ITPKB: variants seen among roughly 807,000 people sequenced by gnomAD.
ITPKB encodes IP3 3-kinase B.
ITPKB carries 13 observed loss-of-function variants against 69.4 expected under a neutral mutation model. The ratio of observed to expected loss-of-function variants is 0.19; its 90% confidence interval spans 0.12 to 0.30. ITPKB has a LOEUF of 0.30. ITPKB is among the 10% of genes least tolerant of loss of function. The pLI is 1.00. For synonymous variants in ITPKB, 584 were observed against 513.7 expected (o/e 1.14, Z -1.85); for missense variants, 1,240 against 1,250.5 (o/e 0.99, Z 0.13).
chr1:226,738,608 G>A lies in ITPKB; in HGVS notation c.-206+433C>T, dbSNP rs985396958. 4.6e-5 allele frequency among the ~76,000 whole-genome samples: 7 copies of A among 152,150 alleles called. No homozygotes were observed. Among genetic ancestry groups the A allele is most frequent in the African/African-American group, 1.4e-4 (6 of 41,442 alleles). ...CTCGGAGGAACTTAGGGGCGTGCAT[G>A]GCTGCAGCCGGGCAGCAGCCCTAGG... On this transcript the variant is annotated intron_variant, in intron 1 of 7. Coordinates refer to ENST00000429204, the MANE Select transcript of ITPKB (RefSeq NM_002221.4). The surrounding 1 kb of genome is among the most constrained non-coding windows in gnomAD (Gnocchi z 4.2).
At chr1:226,711,643 A>G (rs1185156075) in intron 2 of ITPKB, among the ~76,000 whole-genome samples, 1 of 152,162 alleles carries the variant, frequency 6.6e-6, no homozygotes, top group African/African-American at 2.4e-5. Flanking sequence ...GCTTAAATGG[A>G]AACCTCCCAA....
chr1:226,634,979 C>G lies in ITPKB; in HGVS notation c.2626-93G>C, dbSNP rs866015182. On this transcript the variant is annotated intron_variant, in intron 7 of 7. Transcript: ENST00000429204. The surrounding 1 kb of genome is among the most constrained non-coding windows in gnomAD (Gnocchi z 6.3). ...GCCTGGGTGACCAGGTGGGGAGGCT[C>G]GCTCAGGCCGGACAGTTGGGTGCCT... The G allele has an allele frequency of 3.0e-5, 28 of 929,816 alleles. No individual in the cohort carries two copies. In the African/African-American group the frequency reaches 3.8e-4, roughly 13 times the overall value. 57.6% of individuals were successfully genotyped at this position (929,816 alleles called of 1,614,324 possible).
chr1:226,724,263 G>T (rs1294289077), intron 2 of ITPKB, among the ~76,000 whole-genome samples: 1 of 152,092 alleles, frequency 6.6e-6, no homozygotes, highest in African/African-American at 2.4e-5. Flanking sequence ...TCTTGCTTCT[G>T]TGCTCAGCAG....
intron 4 of ITPKB, among the ~76,000 whole-genome samples, chr1:226,645,840 A>T (rs1220607998): frequency 6.6e-6 from 1 of 152,148 alleles, no homozygotes; most frequent in Non-Finnish European, 1.5e-5. Context: ...GTGGCCAGGG[A>T]TGGCTCAAGA....
At chr1:226,716,235 A>C (rs1252707784) in intron 2 of ITPKB, among the ~76,000 whole-genome samples, 2 of 152,230 alleles carry the variant, frequency 1.3e-5, no homozygotes, top group African/African-American at 2.4e-5. Flanking sequence ...GCATGCAGTA[A>C]AAATGCGTAA....
At chr1:226,686,643 A>G (rs1013222052) in intron 2 of ITPKB, among the ~76,000 whole-genome samples, 5 of 152,230 alleles carry the variant, frequency 3.3e-5, no homozygotes, top group Admixed American at 6.5e-5. Context: ...ATTAAAGACC[A>G]GAGGACTCTG....
intron 4 of ITPKB, among the ~76,000 whole-genome samples, chr1:226,643,149 G>A (rs922348461): frequency 4.6e-5 from 7 of 152,130 alleles, no homozygotes; most frequent in East Asian, 1.9e-4. Context: ...CTGAACTGGC[G>A]GGGACCACCT....
chr1:226,644,942 C>T (rs1669033925), intron 4 of ITPKB, among the ~76,000 whole-genome samples: 1 of 152,220 alleles, frequency 6.6e-6, no homozygotes, highest in Admixed American at 6.5e-5. Flanking sequence ...CAGGGAAATG[C>T]CATGGAAGCT....
chr1:226,721,444 T>C (rs1319317792), intron 2 of ITPKB, among the ~76,000 whole-genome samples: 1 of 152,088 alleles, frequency 6.6e-6, no homozygotes, highest in Non-Finnish European at 1.5e-5. Flanking sequence ...AATACCTTTA[T>C]GGGGAACTTA....
chr1:226,721,110 G>C (rs149956101), intron 2 of ITPKB, among the ~76,000 whole-genome samples: 4,096 of 151,764 alleles, frequency 0.027, 188 homozygotes, highest in African/African-American at 0.095. Flanking sequence ...TTGGGAGGCC[G>C]AGGTGGGTGG....
chr1:226,682,025 C>T (rs1157144174), intron 2 of ITPKB, among the ~76,000 whole-genome samples: 2 of 152,222 alleles, frequency 1.3e-5, no homozygotes, highest in Admixed American at 1.3e-4. Flanking sequence ...CTAAAGGATC[C>T]CCAGGCAGCT....
At chr1:226,650,277 G>T (rs1023676625) in intron 2 of ITPKB, among the ~76,000 whole-genome samples, 30 of 152,168 alleles carry the variant, frequency 2.0e-4, no homozygotes, top group African/African-American at 7.2e-4. Flanking sequence ...TTAAGGAGAG[G>T]AATTCTTCCT....
rs756711943 is a variant in ITPKB at position 226,737,179 on chromosome 1, CG to C, written c.279del (p.Ser93ArgfsTer5). On this transcript the variant is annotated frameshift_variant, in exon 2 of 8. Transcript: ENST00000429204. LOFTEE classifies it high-confidence loss of function. Reference protein sequence around the residue: ...NSSSGSGSGSSGSSVSSPSWA... With the variant: ...NSSSGSGSGSXGSSVSSPSWA... The stretch of plus-strand genomic sequence containing the variant: ...CAACTTGGGCTGCTCACGCTACTGC[CG>C]CTGCTGCCGCTGCCACTGCCGCTGC... The C allele has an allele frequency of 1.3e-5, 11 of 821,424 alleles. No homozygotes were observed. Among genetic ancestry groups the C allele is most frequent in the South Asian group, 2.2e-5 (1 of 45,320 alleles). 50.9% of individuals were successfully genotyped at this position (821,424 alleles called of 1,614,324 possible).
intron 2 of ITPKB, among the ~76,000 whole-genome samples, chr1:226,678,944 C>T (rs1351239589): frequency 1.3e-5 from 2 of 152,204 alleles, no homozygotes; most frequent in African/African-American, 2.4e-5. Flanking sequence ...CACGCCTCTG[C>T]GGAGGGCTAC....
chr1:226,694,285 A>C (rs2102783096), intron 2 of ITPKB, among the ~76,000 whole-genome samples: 1 of 152,382 alleles, frequency 6.6e-6, no homozygotes, highest in Admixed American at 6.5e-5. Context: ...AGTATGGTTG[A>C]ACAGTTTTGA....
Position 226,634,923 on chromosome 1 carries a change from C to G in ITPKB, c.2626-37G>C. 6.5e-7 allele frequency: 1 copy of G among 1,541,594 alleles called. No homozygotes were observed. The highest frequency in any genetic ancestry group is 8.9e-7 in the Non-Finnish European group (1 of 1,126,962). On this transcript the variant is annotated intron_variant, in intron 7 of 7. Transcript: ENST00000429204. The surrounding 1 kb of genome is among the most constrained non-coding windows in gnomAD (Gnocchi z 6.3). ...ATGGGGGTGAAGGGTGAGCTGAAGC[C>G]CGGGCCTCGCCCTCCCCACTGCGGC...
At position 226,705,010 on chromosome 1, in the gene ITPKB, G is replaced by C. The variant is rs78250538; in HGVS notation, c.1932+30517C>G. On this transcript the variant is annotated intron_variant, in intron 2 of 7. Coordinates refer to ENST00000429204, the MANE Select transcript of ITPKB (RefSeq NM_002221.4). ...TCAGAGATGAATTCCAGAATAGATA[G>C]GAGATAAGAACAGCATCAGTAACTG... Among the ~76,000 whole-genome samples, 495 of 152,316 alleles carry C rather than the reference G, an allele frequency of 3.2e-3. 4 individuals carry two copies. Among genetic ancestry groups the C allele is most frequent in the African/African-American group, 0.012 (481 of 41,564 alleles).
chr1:226,637,775 T>G lies in ITPKB; in HGVS notation c.2554-25A>C. ...TCTGGGAATAGAAAGAGGACCAGATTTTTAAGCGCCGCGTGGGGAAGGGCA... is the reference window on the plus strand; with the variant it reads ...TCTGGGAATAGAAAGAGGACCAGATGTTTAAGCGCCGCGTGGGGAAGGGCA... On this transcript the variant is annotated intron_variant, in intron 6 of 7. Transcript: ENST00000429204. This position sits in a 1 kb window ranked among gnomAD's most constrained non-coding sequence, Gnocchi z 4.3. 6.3e-7 allele frequency: 1 copy of G among 1,586,630 alleles called. No individual in the cohort carries two copies. The highest frequency in any genetic ancestry group is 8.6e-7 in the Non-Finnish European group (1 of 1,156,120).
Position 226,734,129 on chromosome 1 carries a change from C to T in ITPKB, c.1932+1398G>A, listed in dbSNP as rs1331469731. On this transcript the variant is annotated intron_variant, in intron 2 of 7. Coordinates refer to ENST00000429204, the MANE Select transcript of ITPKB (RefSeq NM_002221.4). The stretch of plus-strand genomic sequence containing the variant: ...TTCCCACCTGCCCTTGACCACCATC[C>T]CCTTCCAGGTGGACCGCTTCCCCCT... Among the ~76,000 whole-genome samples the T allele has an allele frequency of 2.6e-5, 4 of 152,358 alleles. No homozygotes were observed. The East Asian group carries it at 7.7e-4, about 29-fold the overall frequency.
Sources: allele counts gnomAD v4.1 joint callset (sites outside exome capture counted in the v4.1 genomes callset), GRCh38; gene constraint gnomAD v4.1.1; non-coding constraint Gnocchi (gnomAD v3.1); transcripts MANE v1.5; gene names NCBI Gene and HGNC (gene_info 2026-07-23, HGNC 2026-07-21).